METTL25: variants seen among roughly 807,000 people sequenced by gnomAD.
METTL25 encodes the protein methyltransferase like 25.
METTL25 carries 64 observed loss-of-function variants against 71.6 expected under a neutral mutation model. The observed-to-expected ratio is 0.89, with a 90% CI of 0.73 to 1.10. The LOEUF is 1.10. Among genes scored for constraint, METTL25 ranks in the 50% least tolerant of loss-of-function variants. The pLI is 0.00. For synonymous variants in METTL25, 287 were observed against 250.3 expected (o/e 1.15, Z -1.38); for missense variants, 807 against 707.0 (o/e 1.14, Z -1.60).
chr12:82,411,829 T>C (rs763534561), intron 5 of METTL25, among the ~76,000 whole-genome samples: 4 of 152,104 alleles, frequency 2.6e-5, no homozygotes, highest in Non-Finnish European at 2.9e-5. Flanking sequence ...TCAGATTCTT[T>C]TGTGATTATA....
Position 82,385,840 on chromosome 12 carries a change from G to A in METTL25, c.260-963G>A, listed in dbSNP as rs968785243. Reference sequence around the variant, plus strand: ...AAGGATTCAGGCTGAGGAATGTTCCGTCTTGACACATGCTTTGATTACAGA... The same window carrying A: ...AAGGATTCAGGCTGAGGAATGTTCCATCTTGACACATGCTTTGATTACAGA... On this transcript the variant is annotated intron_variant, in intron 1 of 11. Transcript: ENST00000248306. 1.4e-4 allele frequency among the ~76,000 whole-genome samples: 22 copies of A among 152,094 alleles called. 1 individual carries two copies. The highest frequency in any genetic ancestry group is 1.1e-3 in the Admixed American group (17 of 15,250).
rs140168290 is a variant in METTL25, at chr12:82,398,525, C to G, written c.532-270C>G. On this transcript the variant is annotated intron_variant, in intron 3 of 11. Transcript: ENST00000248306. The stretch of plus-strand genomic sequence containing the variant: ...TCTTTAAGATATTCTGCAGACATGA[C>G]TATGTCATCTATGTACAAAAAAGAC... 2.6e-3 allele frequency among the ~76,000 whole-genome samples: 389 copies of G among 152,194 alleles called. 2 individuals carry two copies. Among genetic ancestry groups the G allele is most frequent in the African/African-American group, 8.8e-3 (367 of 41,528 alleles).
chr12:82,447,955 C>T (rs1216826604), intron 8 of METTL25, among the ~76,000 whole-genome samples: 3 of 151,968 alleles, frequency 2.0e-5, no homozygotes, highest in Non-Finnish European at 4.4e-5. Context: ...TGTCTAAAGT[C>T]ATATAGCCTG....
At chr12:82,366,111 G>A (rs538920672) in intron 1 of METTL25, among the ~76,000 whole-genome samples, 10 of 152,154 alleles carry the variant, frequency 6.6e-5, no homozygotes, top group Non-Finnish European at 1.3e-4. Context: ...TTAAAAAAAA[G>A]AATACCTGGC....
intron 1 of METTL25, among the ~76,000 whole-genome samples, chr12:82,361,001 A>G (rs1881784682): frequency 1.3e-5 from 2 of 152,170 alleles, no homozygotes; most frequent in African/African-American, 4.8e-5. Context: ...AGCAGCAGCA[A>G]GATTTATCAC....
chr12:82,417,909 C>T (rs1001353517), intron 5 of METTL25, among the ~76,000 whole-genome samples: 2 of 152,018 alleles, frequency 1.3e-5, no homozygotes, highest in African/African-American at 2.4e-5. Flanking sequence ...TGGAGACAGA[C>T]GGTCTTCCAG....
chr12:82,361,719 G>A (rs1159449171), intron 1 of METTL25, among the ~76,000 whole-genome samples: 1 of 152,170 alleles, frequency 6.6e-6, no homozygotes, highest in Non-Finnish European at 1.5e-5. Context: ...TGAGTGCTGG[G>A]CCTGCCAAGC....
At chr12:82,366,164 T>C (rs1348325277) in intron 1 of METTL25, among the ~76,000 whole-genome samples, 2 of 152,236 alleles carry the variant, frequency 1.3e-5, no homozygotes, top group African/African-American at 2.4e-5. Flanking sequence ...GAGACTATCC[T>C]AACAAATGAG....
chr12:82,463,324 A>T (rs917695149), intron 9 of METTL25, among the ~76,000 whole-genome samples: 4 of 151,960 alleles, frequency 2.6e-5, no homozygotes, highest in Non-Finnish European at 5.9e-5. Flanking sequence ...GAGTGAGAAT[A>T]TACTATGTTT....
At chr12:82,465,897 C>CA (rs1353271158) in intron 9 of METTL25, among the ~76,000 whole-genome samples, 1 of 150,628 alleles carries the variant, frequency 6.6e-6, no homozygotes, top group Non-Finnish European at 1.5e-5. Flanking sequence ...TATAGCTGTT[C>CA]ATAGTAGTTT....
intron 5 of METTL25, among the ~76,000 whole-genome samples, chr12:82,406,410 T>C (rs1887095787): frequency 6.6e-6 from 1 of 152,188 alleles, no homozygotes; most frequent in Non-Finnish European, 1.5e-5. Flanking sequence ...TATTCTTATA[T>C]GTTTTAGGCA....
intron 11 of METTL25, among the ~76,000 whole-genome samples, 192 bp from the exon 12 acceptor site, chr12:82,478,740 C>T (rs748875309): frequency 6.6e-5 from 10 of 151,902 alleles, no homozygotes; most frequent in Non-Finnish European, 1.3e-4. Flanking sequence ...CTATGTACAT[C>T]CTTGTTTCCT....
intron 5 of METTL25, among the ~76,000 whole-genome samples, chr12:82,427,280 T>A (rs972551130): frequency 6.6e-6 from 1 of 151,970 alleles, no homozygotes; most frequent in East Asian, 1.9e-4. Context: ...GTGTGTGTTA[T>A]CTAATGTTGT....
intron 1 of METTL25, among the ~76,000 whole-genome samples, chr12:82,382,915 G>T (rs1884583899): frequency 6.6e-6 from 1 of 151,926 alleles, no homozygotes; most frequent in African/African-American, 2.4e-5. Flanking sequence ...TTGCTATGTT[G>T]CCCAGGCTGA....
At chr12:82,406,931 GTTT>G (rs912504441) in intron 5 of METTL25, among the ~76,000 whole-genome samples, 6 of 146,660 alleles carry the variant, frequency 4.1e-5, no homozygotes, top group African/African-American at 1.5e-4. Flanking sequence ...TTAAAATCAA[GTTT>G]TTTTTTTTCT....
intron 9 of METTL25, among the ~76,000 whole-genome samples, chr12:82,463,985 GT>G (rs775479920): frequency 6.6e-6 from 1 of 151,686 alleles, no homozygotes; most frequent in Non-Finnish European, 1.5e-5. Context: ...AGATATTTGA[GT>G]TCCTTGTATA....
intron 2 of METTL25, among the ~76,000 whole-genome samples, chr12:82,389,382 T>C (rs1426210261): frequency 2.0e-5 from 3 of 152,134 alleles, no homozygotes; most frequent in Admixed American, 6.6e-5. Flanking sequence ...AAATGACTGT[T>C]TAAGTTTTTT....
rs142576829 is a variant in METTL25, at chr12:82,408,014, G to T, written c.1279+4884G>T. The T allele has an allele frequency of 2.2e-3, 2,053 of 952,132 alleles. 30 individuals are homozygous for T. In the African/African-American group the frequency reaches 0.034, roughly 16 times the overall value. 59.0% of individuals were successfully genotyped at this position (952,132 alleles called of 1,614,324 possible). ...TCAATTCTAGCTGCCTAGCTGAGTC[G>T]AATTTGACACTTTTAGTGTATAGAT... On this transcript the variant is annotated intron_variant, in intron 5 of 11. Transcript: ENST00000248306.
At chr12:82,358,915 A>T in intron 1 of METTL25, 91 bp downstream of exon 1, 4 of 1,421,556 alleles carry the variant, frequency 2.8e-6, no homozygotes, top group Non-Finnish European at 3.8e-6. Context: ...CAGCAGAACC[A>T]GGTGCGTGGC....
Sources: allele counts gnomAD v4.1 joint callset (sites outside exome capture counted in the v4.1 genomes callset), GRCh38; gene constraint gnomAD v4.1.1; transcripts MANE v1.5; gene names NCBI Gene and HGNC (gene_info 2026-07-23, HGNC 2026-07-21).